Variants in CELF2 observed in about 807,000 individuals in gnomAD.
The protein encoded by CELF2 is CUGBP Elav-like family member 2.
A neutral mutation model predicts 62.6 loss-of-function variants in CELF2; 8 were observed. The observed-to-expected ratio is 0.13, with a 90% CI of 0.07 to 0.23. The LOEUF (loss-of-function observed/expected upper bound fraction) is 0.23. Ranked by LOEUF, CELF2 falls within the 10% of genes least tolerant of loss-of-function variation. The pLI is 1.00. For synonymous variants in CELF2, 258 were observed against 250.0 expected (o/e 1.03, Z -0.30); for missense variants, 333 against 671.0 (o/e 0.50, Z 5.56).
At chr10:10,827,181 G>A (rs2057462743) in intron 1 of CELF2, among the ~76,000 whole-genome samples, 1 of 152,168 alleles carries the variant, frequency 6.6e-6, no homozygotes, top group Non-Finnish European at 1.5e-5. Flanking sequence ...CTGGGGTACT[G>A]AAGGACTTAT....
the CELF2 span, among the ~76,000 whole-genome samples, chr10:10,690,908 C>T: frequency 1.3e-5 from 2 of 152,192 alleles, no homozygotes; most frequent in Admixed American, 6.5e-5. Flanking sequence ...AGCTCAACCT[C>T]CTTCAAGCTT....
At chr10:10,585,002 T>G in the CELF2 span, among the ~76,000 whole-genome samples, 1 of 151,880 alleles carries the variant, frequency 6.6e-6, no homozygotes, top group Non-Finnish European at 1.5e-5. Flanking sequence ...TAAAGCAAAA[T>G]TACAGCAAGG....
At chr10:11,193,247 T>G (rs1399264302) in intron 2 of CELF2, among the ~76,000 whole-genome samples, 1 of 152,144 alleles carries the variant, frequency 6.6e-6, no homozygotes, top group Non-Finnish European at 1.5e-5. Flanking sequence ...GGGCTGTCAT[T>G]GCTTCCTGGT....
Position 11,324,219 on chromosome 10 carries a change from CA to C in CELF2, c.1295-1616del, listed in dbSNP as rs1329622852. Among the ~76,000 whole-genome samples the C allele has an allele frequency of 6.6e-6, 1 of 152,228 alleles. No homozygotes were observed. The highest frequency in any genetic ancestry group is 1.9e-4 in the East Asian group (1 of 5,198). On this transcript the variant is annotated intron_variant, in intron 11 of 12. Transcript: ENST00000633077. The surrounding 1 kb of genome is among the most constrained non-coding windows in gnomAD (Gnocchi z 4.7). Reference sequence around the variant, plus strand: ...TGAAACTGTATTTTCTCCCCGGCTTCAGGAGGTGAGATGTACTTCACAGTTC... The same window carrying C: ...TGAAACTGTATTTTCTCCCCGGCTTCGGAGGTGAGATGTACTTCACAGTTC...
intron 1 of CELF2, among the ~76,000 whole-genome samples, chr10:11,033,751 C>T (rs2060514899): frequency 6.6e-6 from 1 of 152,170 alleles, no homozygotes; most frequent in African/African-American, 2.4e-5. Flanking sequence ...CAAATTGATT[C>T]CCCTGTAGTG....
At chr10:10,979,792 C>T (rs961552912) in intron 2 of CELF2, among the ~76,000 whole-genome samples, 2 of 151,370 alleles carry the variant, frequency 1.3e-5, no homozygotes, top group African/African-American at 4.9e-5. Flanking sequence ...TCAGTCAGAA[C>T]ATAGCTGGTA....
the CELF2 span, among the ~76,000 whole-genome samples, chr10:10,644,750 C>CT: frequency 2.0e-5 from 3 of 152,128 alleles, no homozygotes; most frequent in African/African-American, 7.2e-5. Flanking sequence ...TCTAAAGTAT[C>CT]TCCCCCCACG....
chr10:11,082,051 C>T (rs1478996884), intron 1 of CELF2, among the ~76,000 whole-genome samples: 1 of 152,134 alleles, frequency 6.6e-6, no homozygotes, highest in Non-Finnish European at 1.5e-5. Context: ...GCATGTGTTC[C>T]TATGGCCTGG....
the CELF2 span, among the ~76,000 whole-genome samples, chr10:10,674,843 G>A: frequency 2.0e-5 from 3 of 152,130 alleles, no homozygotes; most frequent in African/African-American, 7.2e-5. Context: ...TTGTGCCAGT[G>A]TGAATACCTT....
chr10:10,602,538 C>T, the CELF2 span, among the ~76,000 whole-genome samples: 8 of 152,266 alleles, frequency 5.3e-5, no homozygotes, highest in East Asian at 5.8e-4. Flanking sequence ...TTTATATTTA[C>T]GCAAAGTCAT....
intron 2 of CELF2, among the ~76,000 whole-genome samples, chr10:10,998,407 T>C (rs534923185): frequency 2.0e-4 from 31 of 152,314 alleles, no homozygotes; most frequent in African/African-American, 6.7e-4. Context: ...CTTAGAGCAT[T>C]TGCCATATTT....
At chr10:11,137,517 A>T (rs1166800543) in intron 1 of CELF2, among the ~76,000 whole-genome samples, 1 of 152,096 alleles carries the variant, frequency 6.6e-6, no homozygotes, top group African/African-American at 2.4e-5. Context: ...AATTTCTTAG[A>T]CTCAGTTTTC....
chr10:10,986,010 G>T (rs1022536998), intron 2 of CELF2, among the ~76,000 whole-genome samples: 1 of 152,140 alleles, frequency 6.6e-6, no homozygotes, highest in African/African-American at 2.4e-5. Flanking sequence ...ATGTTGAGAT[G>T]AAAATAAACA....
chr10:11,322,277 T>TG (rs893502344), intron 11 of CELF2, among the ~76,000 whole-genome samples: 5 of 152,220 alleles, frequency 3.3e-5, no homozygotes, highest in Admixed American at 2.6e-4. Flanking sequence ...TTTGTTTAAT[T>TG]GGGGGTCTTC....
chr10:10,601,630 G>A, the CELF2 span, among the ~76,000 whole-genome samples: 1 of 151,832 alleles, frequency 6.6e-6, no homozygotes, highest in African/African-American at 2.4e-5. Context: ...TGGCCCATCT[G>A]TGTTCTATTC....
intron 1 of CELF2, among the ~76,000 whole-genome samples, chr10:11,024,344 C>T (rs1349365967): frequency 2.0e-5 from 3 of 152,148 alleles, no homozygotes; most frequent in Admixed American, 2.0e-4. Context: ...GTTGCTCACG[C>T]CTGTAATCCC....
rs2093615689 is a variant in CELF2 at position 11,300,506 on chromosome 10, A to G, written c.976+11954A>G. ...GTCACACCTCACCACTGCAGCGCCC[A>G]GTGTCACTTTCCAACCCTACCTCCT... On this transcript the variant is annotated intron_variant, in intron 9 of 12. Transcript: ENST00000633077. This position sits in a 1 kb window ranked among gnomAD's most constrained non-coding sequence, Gnocchi z 5.5. Among the ~76,000 whole-genome samples, 1 of 152,182 alleles carries G rather than the reference A, an allele frequency of 6.6e-6. No homozygotes were observed. The highest frequency in any genetic ancestry group is 2.4e-5 in the African/African-American group (1 of 41,444).
At chr10:11,066,588 C>T (rs1336800148) in intron 1 of CELF2, among the ~76,000 whole-genome samples, 1 of 152,196 alleles carries the variant, frequency 6.6e-6, no homozygotes, top group Non-Finnish European at 1.5e-5. Flanking sequence ...CCCCCATGAG[C>T]ATCCCACTTG....
the CELF2 span, among the ~76,000 whole-genome samples, chr10:10,743,318 A>G: frequency 2.0e-5 from 3 of 152,374 alleles, no homozygotes; most frequent in African/African-American, 7.2e-5. Flanking sequence ...ACTGAAAGAC[A>G]TCATAGCAGT....
Sources: gnomAD v4.1 joint callset for allele counts (sites outside exome capture counted in the v4.1 genomes callset) on GRCh38, gnomAD v4.1.1 for gene constraint, Gnocchi (gnomAD v3.1) non-coding constraint, MANE v1.5 for transcripts, NCBI Gene and HGNC (gene_info 2026-07-23, HGNC 2026-07-21) for gene names.